The following PTPRG variants were observed in gnomAD, a reference collection of about 807,000 sequenced individuals.
PTPRG encodes the protein protein tyrosine phosphatase receptor type G.
Under a neutral mutation model 165.3 loss-of-function variants are expected in PTPRG, and 102 were observed. The observed-to-expected ratio is 0.62, with a 90% CI of 0.53 to 0.73. PTPRG has a LOEUF of 0.73. Ranked by LOEUF, PTPRG falls within the 30% of genes least tolerant of loss-of-function variation. The pLI is 0.00. For synonymous variants in PTPRG, 675 were observed against 669.5 expected (o/e 1.01, Z -0.13); for missense variants, 1,866 against 1,861.4 (o/e 1.00, Z -0.05).
chr3:61,953,047 T>C (rs1372698245), intron 2 of PTPRG, among the ~76,000 whole-genome samples: 3 of 152,150 alleles, frequency 2.0e-5, no homozygotes, highest in Admixed American at 6.5e-5. Context: ...GATCCAGCAA[T>C]GACTTTTCTT....
chr3:61,796,720 T>C (rs2035055788), intron 2 of PTPRG, among the ~76,000 whole-genome samples: 1 of 152,244 alleles, frequency 6.6e-6, no homozygotes, highest in African/African-American at 2.4e-5. Context: ...GATTCTTAAG[T>C]GTGGCCTCTA....
chr3:62,043,652 G>A (rs1365299213), intron 4 of PTPRG, among the ~76,000 whole-genome samples: 3 of 152,120 alleles, frequency 2.0e-5, no homozygotes, highest in African/African-American at 7.2e-5. Flanking sequence ...AGGTCATCTT[G>A]GTTTTAGGTA....
intron 1 of PTPRG, among the ~76,000 whole-genome samples, chr3:61,668,560 G>A (rs1358318644): frequency 6.6e-6 from 1 of 152,214 alleles, no homozygotes; most frequent in Non-Finnish European, 1.5e-5. Context: ...CTCAAGGTTA[G>A]GTGGGGGGAG....
rs184785465 is a variant in PTPRG at position 62,180,492 on chromosome 3, A to G, written c.1034-10977A>G. 5.6e-3 allele frequency among the ~76,000 whole-genome samples: 855 copies of G among 152,312 alleles called. 8 individuals carry two copies. Among genetic ancestry groups the G allele is most frequent in the African/African-American group, 0.02 (819 of 41,584 alleles). ...GGGCAAGACATGGGGAGAAGGTGGAAGGTCAGAAGCACCACGAGGGAAGGA... is the reference window on the plus strand; with the variant it reads ...GGGCAAGACATGGGGAGAAGGTGGAGGGTCAGAAGCACCACGAGGGAAGGA... On this transcript the variant is annotated intron_variant, in intron 8 of 29. Transcript: ENST00000474889.
chr3:62,132,212 C>T (rs1001493222), intron 5 of PTPRG, among the ~76,000 whole-genome samples: 4 of 152,156 alleles, frequency 2.6e-5, no homozygotes, highest in African/African-American at 7.2e-5. Context: ...AAGGGAAAAA[C>T]ACAGTCACCA....
chr3:61,608,035 T>C (rs1701062302), intron 1 of PTPRG, among the ~76,000 whole-genome samples: 1 of 152,190 alleles, frequency 6.6e-6, no homozygotes, highest in Non-Finnish European at 1.5e-5. Flanking sequence ...ATTCAGCTTT[T>C]ATTACTGCAT....
chr3:61,826,493 G>T (rs1360785206), intron 2 of PTPRG, among the ~76,000 whole-genome samples: 1 of 151,150 alleles, frequency 6.6e-6, no homozygotes, highest in African/African-American at 2.4e-5. Flanking sequence ...GAGTCACCCA[G>T]TCCTTTCTTC....
intron 17 of PTPRG, among the ~76,000 whole-genome samples, chr3:62,264,660 T>C (rs1052384414): frequency 6.6e-6 from 1 of 152,218 alleles, no homozygotes; most frequent in Non-Finnish European, 1.5e-5. Context: ...TACTCTAATG[T>C]GTGGATATAC....
At chr3:61,699,719 A>G (rs2030841761) in intron 1 of PTPRG, among the ~76,000 whole-genome samples, 1 of 152,202 alleles carries the variant, frequency 6.6e-6, no homozygotes, top group African/African-American at 2.4e-5. Context: ...GCATCACAAT[A>G]GAGTTTTACT....
At chr3:62,048,295 G>T (rs915323369) in intron 4 of PTPRG, among the ~76,000 whole-genome samples, 3 of 152,160 alleles carry the variant, frequency 2.0e-5, no homozygotes, top group Non-Finnish European at 4.4e-5. Context: ...AGGTCCAGGT[G>T]GATAATGGGT....
In PTPRG at chr3:61,653,903, G is replaced by GGCGT. The variant is rs1553644925; in HGVS notation, c.85+91532_85+91533insCGTG. On this transcript the variant is annotated intron_variant, in intron 1 of 29. Coordinates refer to ENST00000474889, the MANE Select transcript of PTPRG (RefSeq NM_002841.4). ...AGGTTGTTAAGCGGGGAGCGGTGGGGGGCGCGGGGAACTGTAAGGGAACAT... is the reference window on the plus strand; with the variant it reads ...AGGTTGTTAAGCGGGGAGCGGTGGGGGCGTGGCGCGGGGAACTGTAAGGGAACAT... 8.7e-5 allele frequency among the ~76,000 whole-genome samples: 12 copies of GGCGT among 137,920 alleles called. 1 individual carries two copies. The highest frequency in any genetic ancestry group is 2.2e-4 in the East Asian group (1 of 4,604). 90.5% of individuals were successfully genotyped at this position (137,920 alleles called of 152,430 possible).
At chr3:62,167,909 A>C in intron 7 of PTPRG, 62 bp from the exon 8 acceptor site, 1 of 1,484,238 alleles carries the variant, frequency 6.7e-7, no homozygotes, top group Non-Finnish European at 9.3e-7. Context: ...AGCTTTTCTA[A>C]TTGATGTGTG....
intron 2 of PTPRG, among the ~76,000 whole-genome samples, chr3:61,950,258 C>T (rs1463305332): frequency 3.3e-5 from 5 of 152,182 alleles, no homozygotes; most frequent in Non-Finnish European, 5.9e-5. Context: ...ATCTGACTTT[C>T]TGCCATCTTA....
In PTPRG at chr3:62,190,077, C is replaced by G. The variant is rs535914525; in HGVS notation, c.1034-1392C>G. Among the ~76,000 whole-genome samples the G allele has an allele frequency of 3.3e-5, 5 of 152,308 alleles. No homozygotes were observed. The highest frequency in any genetic ancestry group is 1.2e-4 in the African/African-American group (5 of 41,566). On this transcript the variant is annotated intron_variant, in intron 8 of 29. Coordinates refer to ENST00000474889, the MANE Select transcript of PTPRG (RefSeq NM_002841.4). This position sits in a 1 kb window ranked among gnomAD's most constrained non-coding sequence, Gnocchi z 5.2. The stretch of plus-strand genomic sequence containing the variant: ...CTCCTCTCCCTCCATCCTGTCCTGG[C>G]GTGCAGTGATGGCTCTGCGCATGGG...
At chr3:61,901,376 T>C (rs2038494660) in intron 2 of PTPRG, among the ~76,000 whole-genome samples, 1 of 152,278 alleles carries the variant, frequency 6.6e-6, no homozygotes, top group South Asian at 2.1e-4. Context: ...TGCAAAAAAG[T>C]TACTGGATGG....
chr3:62,221,068 G>T (rs867788289), intron 13 of PTPRG, among the ~76,000 whole-genome samples: 2 of 152,314 alleles, frequency 1.3e-5, no homozygotes, highest in South Asian at 2.1e-4. Context: ...GGGAAGGGCT[G>T]TGTCATGTAG....
At chr3:61,749,462 A>C (rs1437341143) in intron 2 of PTPRG, 1 of 252,508 alleles carries the variant, frequency 4.0e-6, no homozygotes, top group African/African-American at 2.4e-5. Context: ...TTAGCTGTCT[A>C]CTCGATGGTA....
intron 2 of PTPRG, among the ~76,000 whole-genome samples, chr3:61,875,355 A>G (rs1368680499): frequency 6.6e-6 from 1 of 151,218 alleles, no homozygotes; most frequent in African/African-American, 2.5e-5. Flanking sequence ...TAAGTACTTG[A>G]TTCCATCTGC....
At position 62,267,669 on chromosome 3, in the gene PTPRG, C is replaced by T; in HGVS notation, c.2740-16C>T. On this transcript the variant is annotated splice_polypyrimidine_tract_variant and intron_variant, in intron 18 of 29. Transcript: ENST00000474889. ...ATAACTGCTTTCATCTCACTTTGTG[C>T]TGTGTCATTTTGAAGGGTTACAACA... 1 of 1,607,592 alleles carries T rather than the reference C, an allele frequency of 6.2e-7. No homozygotes were observed. Among genetic ancestry groups the T allele is most frequent in the Non-Finnish European group, 8.5e-7 (1 of 1,177,622 alleles).
Sources: gnomAD v4.1 joint callset for allele counts (sites outside exome capture counted in the v4.1 genomes callset) on GRCh38, gnomAD v4.1.1 for gene constraint, Gnocchi (gnomAD v3.1) non-coding constraint, MANE v1.5 for transcripts, NCBI Gene and HGNC (gene_info 2026-07-23, HGNC 2026-07-21) for gene names.